Variants in TSHZ3 observed in about 807,000 individuals in gnomAD.
TSHZ3 encodes the protein teashirt zinc finger homeobox 3.
TSHZ3 carries 10 observed loss-of-function variants against 64.5 expected under a neutral mutation model. The observed-to-expected ratio is 0.16, with a 90% confidence interval of 0.10 to 0.26. TSHZ3 has a LOEUF of 0.26. Ranked by LOEUF, TSHZ3 falls within the 10% of genes least tolerant of loss-of-function variation. The pLI is 1.00. For missense variants in TSHZ3, 1,242 were observed against 1,421.7 expected (o/e 0.87, Z 2.03); for synonymous variants, 608 against 593.1 (o/e 1.03, Z -0.36).
chr19:31,315,158 A>C (rs1916566301), intron 1 of TSHZ3, among the ~76,000 whole-genome samples: 1 of 152,260 alleles, frequency 6.6e-6, no homozygotes, highest in Non-Finnish European at 1.5e-5. Flanking sequence ...TACCTGGAAC[A>C]GATGCTGAAA....
At chr19:31,306,531 G>T (rs1480065278) in intron 1 of TSHZ3, among the ~76,000 whole-genome samples, 1 of 152,170 alleles carries the variant, frequency 6.6e-6, no homozygotes, top group East Asian at 1.9e-4. Flanking sequence ...ACGTGCGTGG[G>T]TGCGCATGTG....
intron 4 of TSHZ3, among the ~76,000 whole-genome samples, chr19:31,208,135 G>C (rs542311960): frequency 6.6e-6 from 1 of 152,202 alleles, no homozygotes; most frequent in South Asian, 2.1e-4. Context: ...CCATCATATG[G>C]AGTTTTGGGG....
chr19:31,267,642 A>C (rs1976071896), intron 1 of TSHZ3, among the ~76,000 whole-genome samples: 1 of 137,310 alleles, frequency 7.3e-6, no homozygotes, highest in Admixed American at 7.3e-5. Flanking sequence ...TAGGAGAATA[A>C]GCCCATTTTT....
At chr19:31,160,416 G>A (rs1974360976) in intron 5 of TSHZ3, among the ~76,000 whole-genome samples, 1 of 152,264 alleles carries the variant, frequency 6.6e-6, no homozygotes, top group Admixed American at 6.5e-5. Context: ...CAGCTCTTCA[G>A]AGTGACAACC....
chr19:31,316,379 G>A (rs959000586), intron 1 of TSHZ3, among the ~76,000 whole-genome samples: 3 of 152,216 alleles, frequency 2.0e-5, no homozygotes, highest in Non-Finnish European at 4.4e-5. Flanking sequence ...GTCATCTCCT[G>A]TAATTGTTTA....
chr19:31,220,009 C>A (rs76146523), intron 4 of TSHZ3, among the ~76,000 whole-genome samples: 1,730 of 151,892 alleles, frequency 0.011, 19 homozygotes, highest in Non-Finnish European at 0.018. Context: ...GGAAAAAGAT[C>A]AATTAAAGAC....
chr19:31,320,275 G>A (rs891582760), intron 1 of TSHZ3, among the ~76,000 whole-genome samples: 30 of 152,250 alleles, frequency 2.0e-4, no homozygotes, highest in African/African-American at 5.1e-4. Flanking sequence ...TACTAGGCTC[G>A]TGTTTGCTTC....
chr19:31,267,481 G>A (rs573284869), intron 1 of TSHZ3, among the ~76,000 whole-genome samples: 197 of 151,942 alleles, frequency 1.3e-3, no homozygotes, highest in African/African-American at 4.2e-3. Context: ...TCCCCTACCC[G>A]TGTCCCCAGA....
At chr19:31,292,729 C>CCCATCCAT (rs71173957) in intron 1 of TSHZ3, among the ~76,000 whole-genome samples, 2 of 147,942 alleles carry the variant, frequency 1.4e-5, no homozygotes, top group Non-Finnish European at 3.0e-5. Flanking sequence ...AACCCATCCA[C>CCCATCCAT]CCATCCATCC....
Position 31,226,977 on chromosome 19 carries a change from C to CTTTTTTTTTTTTTTTTTTTTTTTTTTTT in TSHZ3, n.686+1027_686+1028insAAAAAAAAAAAAAAAAAAAAAAAAAAAA, listed in dbSNP as rs3030229. 1.2e-3 allele frequency among the ~76,000 whole-genome samples: 78 copies of CTTTTTTTTTTTTTTTTTTTTTTTTTTTT among 65,672 alleles called. 3 individuals are homozygous for CTTTTTTTTTTTTTTTTTTTTTTTTTTTT. Among genetic ancestry groups the CTTTTTTTTTTTTTTTTTTTTTTTTTTTT allele is most frequent in the African/African-American group, 1.8e-3 (19 of 10,310 alleles). 43.1% of individuals were successfully genotyped at this position (65,672 alleles called of 152,430 possible). A position where few individuals can be genotyped will look rare whatever the true frequency, so the allele number is the denominator to read the frequency against. On this transcript the variant is annotated intron_variant and non_coding_transcript_variant, in intron 4 of 6. Transcript: ENST00000651361. ...TTTTCTTCTCTTTCTTTCTTTCTTT[C>CTTTTTTTTTTTTTTTTTTTTTTTTTTTT]TTTTTTTTTTTTTTTTTTTGAGATG...
At chr19:31,204,351 C>T (rs979942477) in intron 5 of TSHZ3, among the ~76,000 whole-genome samples, 6 of 150,530 alleles carry the variant, frequency 4.0e-5, no homozygotes, top group African/African-American at 9.8e-5. Context: ...CCTTCCCTCC[C>T]GTCCTTCCTC....
intron 1 of TSHZ3, among the ~76,000 whole-genome samples, chr19:31,314,173 T>C (rs10413174): frequency 0.69 from 104,701 of 152,026 alleles, 37,177 homozygotes; most frequent in African/African-American, 0.85. Flanking sequence ...GGATGCCTCC[T>C]TCCGGCTTCT....
At chr19:31,207,671 T>C (rs1975201918) in intron 4 of TSHZ3, 1 of 152,212 alleles carries the variant, frequency 6.6e-6, no homozygotes, top group African/African-American at 2.4e-5. Flanking sequence ...TGATTCACTA[T>C]ATGAGCTTCT....
At chr19:31,192,841 C>T (rs145881499) in intron 5 of TSHZ3, among the ~76,000 whole-genome samples, 23 of 152,290 alleles carry the variant, frequency 1.5e-4, no homozygotes, top group Admixed American at 1.2e-3. Context: ...TGGATTTAAT[C>T]GGTTAACATG....
At chr19:31,151,765 G>C (rs1974242139) in intron 6 of TSHZ3, among the ~76,000 whole-genome samples, 1 of 152,154 alleles carries the variant, frequency 6.6e-6, no homozygotes, top group Non-Finnish European at 1.5e-5. Flanking sequence ...AACAGAGAGG[G>C]AAGAACAAAA....
chr19:31,345,150 CT>C (rs35090899), intron 1 of TSHZ3, among the ~76,000 whole-genome samples: 1 of 152,186 alleles, frequency 6.6e-6, no homozygotes, highest in African/African-American at 2.4e-5. Flanking sequence ...CTTGGCTTTC[CT>C]TTTTAGAATT....
chr19:31,212,652 T>C (rs1421291210), intron 4 of TSHZ3, among the ~76,000 whole-genome samples: 1 of 152,050 alleles, frequency 6.6e-6, no homozygotes, highest in Non-Finnish European at 1.5e-5. Flanking sequence ...TCAGTACCAA[T>C]GGAAATGCAA....
intron 1 of TSHZ3, among the ~76,000 whole-genome samples, chr19:31,280,827 A>G (rs1443438410): frequency 6.6e-6 from 1 of 152,228 alleles, no homozygotes; most frequent in Non-Finnish European, 1.5e-5. Flanking sequence ...CCCAGAGAAT[A>G]CTTGCGTTAA....
At chr19:31,205,821 A>G (rs1975159770) in intron 4 of TSHZ3, among the ~76,000 whole-genome samples, 1 of 152,218 alleles carries the variant, frequency 6.6e-6, no homozygotes, top group Non-Finnish European at 1.5e-5. Context: ...TTTTCCAAAA[A>G]TGTTTCTGAA....
Sources: gnomAD v4.1 joint callset for allele counts (sites outside exome capture counted in the v4.1 genomes callset) on GRCh38, gnomAD v4.1.1 for gene constraint, MANE v1.5 for transcripts, NCBI Gene and HGNC (gene_info 2026-07-23, HGNC 2026-07-21) for gene names.